Variants in LIG3 observed in about 807,000 individuals in gnomAD.
LIG3 encodes ligase II, DNA, ATP-dependent.
LIG3 carries 58 observed loss-of-function variants against 110.9 expected under a neutral mutation model. The ratio of observed to expected loss-of-function variants is 0.52; its 90% CI spans 0.42 to 0.65. The LOEUF (loss-of-function observed/expected upper bound fraction) is 0.65. LIG3 is among the 30% of genes least tolerant of loss of function. The pLI, the probability that LIG3 is intolerant of heterozygous loss-of-function variation, is 0.00. For missense variants in LIG3, 1,094 were observed against 1,273.8 expected (o/e 0.86, Z 2.15); for synonymous variants, 422 against 472.8 (o/e 0.89, Z 1.39).
chr17:34,992,760 G>A, intron 8 of LIG3, 68 bp downstream of exon 8: 2 of 1,447,112 alleles, frequency 1.4e-6, no homozygotes, highest in Non-Finnish European at 1.8e-6. Context: ...GCTGAGATCA[G>A]ATAGGGTATG....
chr17:35,009,415 G>A lies in LIG3; in HGVS notation c.*4909G>A, dbSNP rs192398232. ...TCTCAGAGTAATCAGCAAAAGCTAC[G>A]GAATAATTCTAAGAATTAGATGTTT... On this transcript the variant is annotated 3_prime_UTR_variant, in exon 20 of 20. Transcript: ENST00000378526. 25 of 152,126 alleles carry A rather than the reference G, an allele frequency of 1.6e-4. No homozygotes were observed. The highest frequency in any genetic ancestry group is 4.6e-4 in the African/African-American group (19 of 41,468). The allele number at this position is 152,126 out of a possible 1,614,324, so 9.4% of individuals were successfully genotyped here.
At chr17:34,999,938 C>A in intron 16 of LIG3, 82 bp downstream of exon 16, 1 of 1,171,278 alleles carries the variant, frequency 8.5e-7, no homozygotes, top group Non-Finnish European at 1.3e-6. Context: ...TCCATCTCAC[C>A]TCGCTGAAAG....
intron 1 of LIG3, 140 bp downstream of exon 1, chr17:34,980,762 C>T (rs1313580875): frequency 6.4e-6 from 2 of 310,252 alleles, no homozygotes; most frequent in Non-Finnish European, 9.4e-6. Flanking sequence ...CCGGGGCACA[C>T]CCTCCGTGAC....
In LIG3 at chr17:34,991,112, C is replaced by T. The variant is rs755766256; in HGVS notation, c.1039C>T (p.Gln347Ter). 1 of 1,613,926 alleles carries T rather than the reference C, an allele frequency of 6.2e-7. No individual in the cohort carries two copies. Among genetic ancestry groups the T allele is most frequent in the South Asian group, 1.1e-5 (1 of 91,068 alleles). ...AGATGATATGGCACGGGACCTAGAGCAGGTCAGAGGAACGGGAGGGAGGGT... is the reference window on the plus strand; with the variant it reads ...AGATGATATGGCACGGGACCTAGAGTAGGTCAGAGGAACGGGAGGGAGGGT... The part of the protein sequence containing the change: ...NPDDMARDLE[Q>*]GDVSETIRVF... Residue 347 changes from glutamine (Q) to a stop codon, truncating the protein, a stop_gained and splice_region_variant, in exon 5 of 20, where the codon CAG becomes TAG. Coordinates refer to ENST00000378526, the MANE Select transcript of LIG3 (RefSeq NM_013975.4). LOFTEE classifies it high-confidence loss of function.
At chr17:34,996,265 G>A (rs1443453365) in intron 10 of LIG3, 70 bp downstream of exon 10, 7 of 1,535,838 alleles carry the variant, frequency 4.6e-6, no homozygotes, top group African/African-American at 1.4e-5. Context: ...GGTGCACGCT[G>A]CGGTCTGAAA....
chr17:35,001,428 T>C (rs2090840784), intron 17 of LIG3, 25 bp downstream of exon 17: 1 of 1,609,832 alleles, frequency 6.2e-7, no homozygotes, highest in Non-Finnish European at 8.5e-7. Context: ...GCTGTATATG[T>C]ATTCTCCACC....
chr17:34,998,938 C>A, intron 14 of LIG3: 1 of 551,810 alleles, frequency 1.8e-6, no homozygotes, highest in Non-Finnish European at 3.1e-6. Flanking sequence ...CTATGCTAGC[C>A]TAGCAGAAGG....
intron 1 of LIG3, among the ~76,000 whole-genome samples, chr17:34,982,746 T>C (rs1461211675): frequency 6.6e-6 from 1 of 152,158 alleles, no homozygotes. Context: ...AGAGCTTTTA[T>C]GTTATTTGGA....
intron 2 of LIG3, among the ~76,000 whole-genome samples, chr17:34,985,285 C>A (rs2090643933): frequency 6.6e-6 from 1 of 152,142 alleles, no homozygotes; most frequent in Admixed American, 6.5e-5. Context: ...ATGTTCATAT[C>A]TTCAACTTAG....
chr17:35,002,953 G>C (rs1469848323), intron 19 of LIG3, 164 bp downstream of exon 19: 1 of 1,613,550 alleles, frequency 6.2e-7, no homozygotes, highest in South Asian at 1.1e-5. Context: ...GGCAGGGTCA[G>C]CAATGCTGCT....
intron 14 of LIG3, 61 bp downstream of exon 14, chr17:34,998,788 G>C (rs1413817438): frequency 6.4e-7 from 1 of 1,557,166 alleles, no homozygotes; most frequent in Non-Finnish European, 8.7e-7. Context: ...TTGAGGTACA[G>C]GCTGGCCTTG....
intron 17 of LIG3, 117 bp downstream of exon 17, chr17:35,001,520 C>A: frequency 8.9e-7 from 1 of 1,121,490 alleles, no homozygotes; most frequent in Non-Finnish European, 1.3e-6. Flanking sequence ...TCTCCTGAGG[C>A]AGAGCAAGGA....
chr17:34,997,778 G>C lies in LIG3; in HGVS notation c.1864G>C (p.Val622Leu). 2 of 1,614,148 alleles carry C rather than the reference G, an allele frequency of 1.2e-6. No individual in the cohort carries two copies. Among genetic ancestry groups the C allele is most frequent in the Non-Finnish European group, 1.7e-6 (2 of 1,180,014 alleles). Reference protein sequence around the residue: ...ERRKFLHDNMVEIPNRIMFSE... With the variant: ...ERRKFLHDNMLEIPNRIMFSE... ...GCGGAAGTTTCTTCATGACAACATG[G>C]TTGAAATTCCAAACCGGATCATGTT... The change falls in exon 12 of 20, where the codon GTT (valine) becomes CTT (leucine). Residue 622 changes from valine (V) to leucine (L), a missense_variant. Val to Leu is a conservative substitution (Grantham distance 32). Transcript: ENST00000378526.
chr17:34,992,210 T>C (rs2090729273), intron 7 of LIG3, among the ~76,000 whole-genome samples, 175 bp downstream of exon 7: 2 of 152,216 alleles, frequency 1.3e-5, no homozygotes, highest in Non-Finnish European at 2.9e-5. Context: ...TTTTCCCATA[T>C]AAAATGGAGA....
chr17:35,007,661 C>T lies in LIG3; in HGVS notation c.*3155C>T, dbSNP rs2090904403. ...TGCATTCTCAGTAGTCTTTTCCCTGCTCCTTGGGCGCCTGGTCAGGGAGGT... is the reference window on the plus strand; with the variant it reads ...TGCATTCTCAGTAGTCTTTTCCCTGTTCCTTGGGCGCCTGGTCAGGGAGGT... On this transcript the variant is annotated 3_prime_UTR_variant, in exon 20 of 20. Transcript: ENST00000378526. The T allele has an allele frequency of 6.6e-6, 1 of 152,268 alleles. No individual in the cohort carries two copies. Among genetic ancestry groups the T allele is most frequent in the Admixed American group, 6.5e-5 (1 of 15,288 alleles). 9.4% of individuals were successfully genotyped at this position (152,268 alleles called of 1,614,324 possible). A position where few individuals can be genotyped will look rare whatever the true frequency, so the allele number is the denominator to read the frequency against.
intron 18 of LIG3, 127 bp from the exon 19 acceptor site, chr17:35,002,541 C>A: frequency 5.2e-6 from 5 of 953,426 alleles, no homozygotes; most frequent in South Asian, 1.7e-5. Context: ...CTCTGTCATC[C>A]AGGCTGGAGT....
At chr17:34,992,831 G>A in intron 8 of LIG3, 139 bp downstream of exon 8, 2 of 846,612 alleles carry the variant, frequency 2.4e-6, no homozygotes, top group Non-Finnish European at 3.4e-6. Flanking sequence ...GGAGGTGCAA[G>A]GGGGTATTTC....
Position 34,982,435 on chromosome 17 carries a change from G to A in LIG3, c.-4-567G>A, listed in dbSNP as rs1364746710. Among the ~76,000 whole-genome samples the A allele has an allele frequency of 3.9e-5, 6 of 151,998 alleles. No homozygotes were observed. The South Asian group carries it at 8.3e-4, about 21-fold the overall frequency. ...CGAGGCGGGCGAATCACCTGAGGTC[G>A]GGAGTTGGAGACTAGCCTGACCAAC... is the stretch of plus-strand genomic sequence containing the variant. On this transcript the variant is annotated intron_variant, in intron 1 of 19. Transcript: ENST00000378526.
In LIG3 at chr17:35,005,553, T is replaced by C. The variant is rs773627144; in HGVS notation, c.*1047T>C. 1.4e-5 allele frequency: 8 copies of C among 578,756 alleles called. No individual in the cohort carries two copies. In the East Asian group the frequency reaches 3.0e-4, roughly 22 times the overall value. The allele number at this position is 578,756 out of a possible 1,614,324, so 35.9% of individuals were successfully genotyped here. The stretch of plus-strand genomic sequence containing the variant: ...ATGGACAGTATATTATGGAAGGATT[T>C]GCATCCAGCTTCCTGTTTACAATGG... On this transcript the variant is annotated 3_prime_UTR_variant, in exon 20 of 20. Transcript: ENST00000378526.
Sources: allele counts gnomAD v4.1 joint callset (sites outside exome capture counted in the v4.1 genomes callset), GRCh38; gene constraint gnomAD v4.1.1; transcripts MANE v1.5; gene names NCBI Gene and HGNC (gene_info 2026-07-23, HGNC 2026-07-21).